CASR: variants seen among roughly 807,000 people sequenced by gnomAD.
CASR encodes the protein extracellular calcium-sensing receptor.
In CASR, 23 loss-of-function variants were observed where a neutral mutation model predicts 69.1. The ratio of observed to expected loss-of-function variants is 0.33; its 90% confidence interval spans 0.24 to 0.47. The LOEUF (loss-of-function observed/expected upper bound fraction) is 0.47, where lower values mean the gene tolerates loss of function less well. Ranked by LOEUF, CASR falls within the 20% of genes least tolerant of loss-of-function variation. The pLI, the probability that CASR is intolerant of heterozygous loss-of-function variation, is 1.00. For missense variants in CASR, 924 were observed against 1,356.1 expected, an observed-to-expected ratio of 0.68 and a Z score of 5.00; for synonymous variants, 541 against 544.7, an observed-to-expected ratio of 0.99 and a Z score of 0.10.
In CASR at chr3:122,253,952, C is replaced by T; in HGVS notation, c.-238C>T. ...TTTGTCTTTCTTTTCTTTTAGAAGGCATCACAGGAGGCCTCTGCATGATGT... is the reference window on the plus strand; with the variant it reads ...TTTGTCTTTCTTTTCTTTTAGAAGGTATCACAGGAGGCCTCTGCATGATGT... On this transcript the variant is annotated 5_prime_UTR_variant, in exon 2 of 7. Transcript: ENST00000639785. 2 of 559,754 alleles carry T rather than the reference C, an allele frequency of 3.6e-6. No individual in the cohort carries two copies. The highest frequency in any genetic ancestry group is 4.0e-5 in the South Asian group (2 of 49,412). The allele number at this position is 559,754 out of a possible 1,614,324, so 34.7% of individuals were successfully genotyped here. A position where few individuals can be genotyped will look rare whatever the true frequency, so the allele number is the denominator to read the frequency against.
In CASR at chr3:122,253,971, A is replaced by G. The variant is rs200607266; in HGVS notation, c.-219A>G. On this transcript the variant is annotated 5_prime_UTR_variant, in exon 2 of 7. It removes an upstream start codon present in the reference 5' UTR. Coordinates refer to ENST00000639785, the MANE Select transcript of CASR (RefSeq NM_000388.4). ...AGAAGGCATCACAGGAGGCCTCTGC[A>G]TGATGTGGCTTCCAAAGACTCAAGG... The G allele has an allele frequency of 1.7e-6, 1 of 599,246 alleles. No homozygotes were observed. The highest frequency in any genetic ancestry group is 3.0e-6 in the Non-Finnish European group (1 of 335,622). The allele number at this position is 599,246 out of a possible 1,614,324, so 37.1% of individuals were successfully genotyped here.
intron 1 of CASR, among the ~76,000 whole-genome samples, chr3:122,210,576 A>G (rs1205736905): frequency 6.6e-6 from 1 of 152,210 alleles, no homozygotes; most frequent in East Asian, 1.9e-4. Flanking sequence ...CCACTGCTCA[A>G]GGAAATCAGA....
chr3:122,250,767 G>C (rs144269347), intron 1 of CASR, among the ~76,000 whole-genome samples: 6 of 152,114 alleles, frequency 3.9e-5, no homozygotes, highest in Non-Finnish European at 8.8e-5. Flanking sequence ...CATTTATTCA[G>C]CATTTACTAT....
rs1396410957 is a variant in CASR at position 122,285,011 on chromosome 3, G to A, written c.3057G>A (p.Gly1019=). The change falls in exon 7 of 7, where the codon GGG becomes GGA. Residue 1019 remains glycine (G), a synonymous_variant. Coordinates refer to ENST00000639785, the MANE Select transcript of CASR (RefSeq NM_000388.4). ...RHEPLLPLQC[G]ETDLDLTVQE... The stretch of plus-strand genomic sequence containing the variant: ...AGCCATTACTCCCGCTGCAGTGCGG[G>A]GAAACGGACTTAGATCTGACCGTCC... 4 of 1,614,104 alleles carry A rather than the reference G, an allele frequency of 2.5e-6. No individual in the cohort carries two copies. The highest frequency in any genetic ancestry group is 2.2e-5 in the East Asian group (1 of 44,898).
At chr3:122,206,788 ATGTTT>A (rs2074011559) in intron 1 of CASR, among the ~76,000 whole-genome samples, 3 of 151,938 alleles carry the variant, frequency 2.0e-5, no homozygotes, top group African/African-American at 4.8e-5. Flanking sequence ...GCATTTCCTC[ATGTTT>A]CAACCTTCGT....
chr3:122,195,699 C>A (rs2073882893), intron 1 of CASR, among the ~76,000 whole-genome samples: 1 of 152,138 alleles, frequency 6.6e-6, no homozygotes, highest in South Asian at 2.1e-4. Context: ...GAACTTTAGT[C>A]AGGTTAAGTG....
Position 122,281,461 on chromosome 3 carries a change from GA to G in CASR, c.1609-649del, listed in dbSNP as rs558436139. Among the ~76,000 whole-genome samples, 19 of 152,258 alleles carry G rather than the reference GA, an allele frequency of 1.2e-4. No homozygotes were observed. In the South Asian group the frequency reaches 3.5e-3, roughly 28 times the overall value. On this transcript the variant is annotated intron_variant, in intron 5 of 6. Transcript: ENST00000639785. Reference sequence around the variant, plus strand: ...ATAGTGGATATCCTTGTTTTAAATGGAAATACTTTTAATGTTTTCTCTATAT... The same window carrying G: ...ATAGTGGATATCCTTGTTTTAAATGGAATACTTTTAATGTTTTCTCTATAT...
chr3:122,201,816 C>T (rs1375523837), intron 1 of CASR, among the ~76,000 whole-genome samples: 4 of 150,574 alleles, frequency 2.7e-5, no homozygotes, highest in East Asian at 2.0e-4. Flanking sequence ...ACATCTCAGA[C>T]GATGGGCGGC....
At chr3:122,274,697 T>G (rs1479740537) in intron 4 of CASR, among the ~76,000 whole-genome samples, 1 of 151,762 alleles carries the variant, frequency 6.6e-6, no homozygotes, top group African/African-American at 2.4e-5. Context: ...AGCCCAGGAG[T>G]TTGAGACCAG....
At chr3:122,255,397 C>T (rs930693468) in intron 2 of CASR, among the ~76,000 whole-genome samples, 3 of 152,132 alleles carry the variant, frequency 2.0e-5, no homozygotes, top group African/African-American at 7.2e-5. Context: ...AGGATTGTTC[C>T]AATAAAACTG....
At position 122,290,295 on chromosome 3, in the gene CASR, T is replaced by A. The variant is rs2075002056; in HGVS notation, c.*5104T>A. On this transcript the variant is annotated 3_prime_UTR_variant, in exon 7 of 7. Coordinates refer to ENST00000639785, the MANE Select transcript of CASR (RefSeq NM_000388.4). ...AAGTTTGGTGAAAATAGGTAAGAGATCAAAGCCCAAGAATAAACCCTGGGG... is the reference window on the plus strand; with the variant it reads ...AAGTTTGGTGAAAATAGGTAAGAGAACAAAGCCCAAGAATAAACCCTGGGG... 1 of 151,918 alleles carries A rather than the reference T, an allele frequency of 6.6e-6. No individual in the cohort carries two copies. Among genetic ancestry groups the A allele is most frequent in the Non-Finnish European group, 1.5e-5 (1 of 67,934 alleles). The allele number at this position is 151,918 out of a possible 1,614,324, so 9.4% of individuals were successfully genotyped here. A position where few individuals can be genotyped will look rare whatever the true frequency, so the allele number is the denominator to read the frequency against.
intron 4 of CASR, among the ~76,000 whole-genome samples, chr3:122,273,411 G>A (rs1415336674): frequency 1.3e-5 from 2 of 152,200 alleles, no homozygotes; most frequent in African/African-American, 4.8e-5. Flanking sequence ...AGGATTAAAT[G>A]ATATAGTATG....
intron 5 of CASR, 100 bp downstream of exon 5, chr3:122,276,142 TAA>T (rs2074817603): frequency 2.6e-6 from 2 of 782,184 alleles, no homozygotes; most frequent in African/African-American, 1.7e-5. Context: ...ACTTCCAAAA[TAA>T]AGAGTCCACT....
At chr3:122,275,025 T>C (rs1213328282) in intron 4 of CASR, among the ~76,000 whole-genome samples, 1 of 152,204 alleles carries the variant, frequency 6.6e-6, no homozygotes, top group Non-Finnish European at 1.5e-5. Flanking sequence ...ACTTAAAGTT[T>C]TCAGTGCCTC....
chr3:122,231,221 C>G (rs7617898), intron 1 of CASR, among the ~76,000 whole-genome samples: 108,658 of 151,648 alleles, frequency 0.72, 39,204 homozygotes, highest in Admixed American at 0.82. Context: ...TGTTGGGTGG[C>G]TTACCTGACT....
intron 1 of CASR, among the ~76,000 whole-genome samples, chr3:122,208,146 A>G (rs1429353469): frequency 1.3e-5 from 2 of 152,208 alleles, no homozygotes; most frequent in Non-Finnish European, 2.9e-5. Flanking sequence ...CTTACAAAGT[A>G]TATATTTCAC....
Position 122,288,830 on chromosome 3 carries a change from T to C in CASR, c.*3639T>C, listed in dbSNP as rs1235797937. The stretch of plus-strand genomic sequence containing the variant: ...TTAGGTTTTGTTAACAATGGGAAAC[T>C]GCTTACATTTCTTTTGAAAATTAAA... On this transcript the variant is annotated 3_prime_UTR_variant, in exon 7 of 7. Coordinates refer to ENST00000639785, the MANE Select transcript of CASR (RefSeq NM_000388.4). 2.0e-5 allele frequency: 3 copies of C among 152,196 alleles called. No individual in the cohort carries two copies. Among genetic ancestry groups the C allele is most frequent in the African/African-American group, 7.2e-5 (3 of 41,464 alleles). The allele number at this position is 152,196 out of a possible 1,614,324, so 9.4% of individuals were successfully genotyped here.
chr3:122,284,120 C>A lies in CASR; in HGVS notation c.2166C>A (p.Asn722Lys). Residue 722 changes from asparagine (N) to lysine (K), a missense_variant, in exon 7 of 7, where the codon AAC becomes AAA. Physicochemically the swap from Asn to Lys is moderately conservative, Grantham distance 94 (BLOSUM62 0). Coordinates refer to ENST00000639785, the MANE Select transcript of CASR (RefSeq NM_000388.4). ...TSFHRKWWGL[N>K]LQFLLVFLCT... Reference sequence around the variant, plus strand: ...TCCACCGCAAGTGGTGGGGGCTCAACCTGCAGTTCCTGCTGGTTTTCCTCT... The same window carrying A: ...TCCACCGCAAGTGGTGGGGGCTCAAACTGCAGTTCCTGCTGGTTTTCCTCT... The A allele has an allele frequency of 6.2e-7, 1 of 1,613,956 alleles. No homozygotes were observed. The highest frequency in any genetic ancestry group is 2.2e-5 in the East Asian group (1 of 44,868).
At chr3:122,271,865 T>G (rs1288396859) in intron 4 of CASR, among the ~76,000 whole-genome samples, 1 of 152,204 alleles carries the variant, frequency 6.6e-6, no homozygotes, top group Non-Finnish European at 1.5e-5. Context: ...ACATATGATC[T>G]TTTGTGACTG....
Sources: allele counts gnomAD v4.1 joint callset (sites outside exome capture counted in the v4.1 genomes callset), GRCh38; gene constraint gnomAD v4.1.1; transcripts MANE v1.5; gene names NCBI Gene and HGNC (gene_info 2026-07-23, HGNC 2026-07-21).